The following DAB1 variants were observed in gnomAD, a reference collection of about 807,000 sequenced individuals.
DAB1 encodes DAB adaptor protein 1.
A neutral mutation model predicts 64.6 loss-of-function variants in DAB1; 15 were observed. The observed-to-expected ratio is 0.23, with a 90% CI of 0.16 to 0.36. DAB1 has a LOEUF of 0.36. Among genes scored for constraint, DAB1 ranks in the 10% least tolerant of loss-of-function variants. The probability of loss-of-function intolerance (pLI) is 1.00; values close to 1 mark genes in which losing one functional copy is unlikely to be tolerated. For synonymous variants in DAB1, 235 were observed against 251.9 expected (o/e 0.93, Z 0.64); for missense variants, 596 against 706.7 (o/e 0.84, Z 1.78).
In DAB1 at chr1:58,132,878, A is replaced by G. The variant is rs111990665; in HGVS notation, n.387+17633T>C. Among the ~76,000 whole-genome samples the G allele has an allele frequency of 2.4e-3, 369 of 152,282 alleles. 4 individuals are homozygous for G. Among genetic ancestry groups the G allele is most frequent in the African/African-American group, 8.3e-3 (345 of 41,564 alleles). ...ATTAAAGTGAATTAACATAATCCAG[A>G]TATCAGTTCTGATATCTGTGTTAGT... On this transcript the variant is annotated intron_variant and non_coding_transcript_variant, in intron 5 of 20. Transcript: ENST00000485760.
intron 1 of DAB1, among the ~76,000 whole-genome samples, chr1:57,367,237 T>G (rs1450471612): frequency 6.6e-6 from 1 of 152,000 alleles, no homozygotes; most frequent in Non-Finnish European, 1.5e-5. Flanking sequence ...ATGGCACTAC[T>G]GCACTTCAGC....
At chr1:58,411,492 C>T (rs1242669804) in intron 3 of DAB1, among the ~76,000 whole-genome samples, 6 of 152,092 alleles carry the variant, frequency 3.9e-5, no homozygotes, top group African/African-American at 1.4e-4. Context: ...GCTGTGGGAG[C>T]CTCTAATCCA....
At chr1:58,248,537 G>C (rs1021571120) in intron 4 of DAB1, among the ~76,000 whole-genome samples, 5 of 152,076 alleles carry the variant, frequency 3.3e-5, no homozygotes, top group South Asian at 2.1e-4. Flanking sequence ...TCTAGATTTT[G>C]AACAGAATCT....
intron 3 of DAB1, among the ~76,000 whole-genome samples, chr1:58,384,222 C>T (rs1644414118): frequency 6.6e-6 from 1 of 152,036 alleles, no homozygotes. Context: ...AAAGAAAATC[C>T]TACCATTTGC....
rs1002200801 is a variant in DAB1 at position 58,374,918 on chromosome 1, A to G, written n.258-31515T>C. The stretch of plus-strand genomic sequence containing the variant: ...CACATCCCTTGTAAGTTGGATTCCT[A>G]GCTATTTTATTCTCTTTGAAGCAAT... On this transcript the variant is annotated intron_variant and non_coding_transcript_variant, in intron 3 of 20. Transcript: ENST00000485760. 3.0e-3 allele frequency among the ~76,000 whole-genome samples: 422 copies of G among 138,438 alleles called. 17 individuals carry two copies. The East Asian group carries it at 0.061, about 20-fold the overall frequency. The allele number at this position is 138,438 out of a possible 152,430, so 90.8% of individuals were successfully genotyped here.
At chr1:57,236,113 G>C (rs541520364) in intron 2 of DAB1, among the ~76,000 whole-genome samples, 2 of 152,272 alleles carry the variant, frequency 1.3e-5, no homozygotes, top group East Asian at 3.9e-4. Flanking sequence ...AGCAGAATTG[G>C]ACTGGGTACC....
At chr1:57,928,860 A>G (rs533106644) in intron 5 of DAB1, among the ~76,000 whole-genome samples, 5 of 152,320 alleles carry the variant, frequency 3.3e-5, no homozygotes, top group African/African-American at 1.2e-4. Context: ...CAACTGAAGG[A>G]CATCTTGGTT....
At chr1:57,167,127 C>T (rs1661277353) in intron 2 of DAB1, among the ~76,000 whole-genome samples, 1 of 152,098 alleles carries the variant, frequency 6.6e-6, no homozygotes, top group Non-Finnish European at 1.5e-5. Context: ...AGTCTCTCAC[C>T]CACTCTTTTA....
chr1:57,305,417 G>A (rs1340013515), intron 1 of DAB1, among the ~76,000 whole-genome samples: 4 of 152,122 alleles, frequency 2.6e-5, no homozygotes, highest in Non-Finnish European at 5.9e-5. Flanking sequence ...GCTAATCCCC[G>A]TAAGTGGCCA....
At chr1:58,475,477 AACACACACAC>A (rs112408529) in intron 3 of DAB1, among the ~76,000 whole-genome samples, 58 of 148,232 alleles carry the variant, frequency 3.9e-4, no homozygotes, top group Non-Finnish European at 5.1e-4. Context: ...AGGTTAATTA[AACACACACAC>A]ACACACACAC....
chr1:58,228,079 G>A (rs1659584289), intron 4 of DAB1, among the ~76,000 whole-genome samples: 1 of 152,174 alleles, frequency 6.6e-6, no homozygotes, highest in Non-Finnish European at 1.5e-5. Context: ...GGGAGTCAGT[G>A]ATAGCTCAGA....
upstream of DAB1, among the ~76,000 whole-genome samples, chr1:57,888,215 C>G (rs188666144): frequency 1.8e-4 from 27 of 152,218 alleles, no homozygotes; most frequent in Admixed American, 6.5e-4. Flanking sequence ...TGGTGGGTGA[C>G]TGACTCAAAG....
At chr1:57,059,608 T>C (rs1435778665) in intron 9 of DAB1, among the ~76,000 whole-genome samples, 5 of 152,000 alleles carry the variant, frequency 3.3e-5, no homozygotes, top group Non-Finnish European at 7.4e-5. Context: ...ACTAGGGGAA[T>C]CCTGGAAGGC....
intron 1 of DAB1, among the ~76,000 whole-genome samples, chr1:57,423,676 C>A (rs1428803459): frequency 6.6e-6 from 1 of 151,758 alleles, no homozygotes; most frequent in Non-Finnish European, 1.5e-5. Flanking sequence ...GAGACAGGGG[C>A]GCGGGGATGG....
chr1:58,150,678 A>G (rs1654874055), intron 4 of DAB1: 1 of 151,502 alleles, frequency 6.6e-6, no homozygotes, highest in Admixed American at 6.6e-5. Flanking sequence ...AGTTTTAATA[A>G]GACCATAGTT....
intron 1 of DAB1, among the ~76,000 whole-genome samples, chr1:58,540,489 A>T (rs1646589159): frequency 6.6e-6 from 1 of 151,890 alleles, no homozygotes; most frequent in South Asian, 2.1e-4. Flanking sequence ...ACTATACTGC[A>T]CATGTTTAAG....
intron 6 of DAB1, among the ~76,000 whole-genome samples, chr1:57,715,158 A>G (rs1316253834): frequency 6.6e-6 from 1 of 152,246 alleles, no homozygotes; most frequent in Admixed American, 6.5e-5. Context: ...AATCACATTA[A>G]TAGAATCAAG....
At chr1:57,223,804 G>A (rs1667060453) in intron 2 of DAB1, among the ~76,000 whole-genome samples, 1 of 152,146 alleles carries the variant, frequency 6.6e-6, no homozygotes, top group Non-Finnish European at 1.5e-5. Context: ...AATGGGCAGG[G>A]CCTGAGCTGG....
chr1:58,386,053 T>C (rs1402445988), intron 3 of DAB1, among the ~76,000 whole-genome samples: 1 of 152,166 alleles, frequency 6.6e-6, no homozygotes, highest in Admixed American at 6.5e-5. Flanking sequence ...CTAAGAGCGT[T>C]TTCGTATCAT....
Sources: allele counts gnomAD v4.1 joint callset (sites outside exome capture counted in the v4.1 genomes callset), GRCh38; gene constraint gnomAD v4.1.1; transcripts MANE v1.5; gene names NCBI Gene and HGNC (gene_info 2026-07-23, HGNC 2026-07-21).